Variants in TLN2 observed in about 807,000 individuals in gnomAD.
TLN2 encodes talin 2.
In TLN2, 118 loss-of-function variants were observed where a neutral mutation model predicts 294.7. The ratio of observed to expected loss-of-function variants is 0.40; its 90% CI spans 0.34 to 0.47. TLN2 has a LOEUF of 0.47. Ranked by LOEUF, TLN2 falls within the 20% of genes least tolerant of loss-of-function variation. The pLI is 0.84. For synonymous variants in TLN2, 1,431 were observed against 1,304.5 expected, an observed-to-expected ratio of 1.10 and a Z score of -2.09; for missense variants, 3,083 against 3,282.2, an observed-to-expected ratio of 0.94 and a Z score of 1.48.
intron 1 of TLN2, among the ~76,000 whole-genome samples, chr15:62,432,824 T>G (rs570147194): frequency 5.9e-5 from 9 of 152,232 alleles, no homozygotes; most frequent in African/African-American, 2.2e-4. Flanking sequence ...ATAGAGTTTC[T>G]ACGCCTCTTG....
chr15:62,577,249 G>A (rs1272500921), intron 1 of TLN2, among the ~76,000 whole-genome samples: 1 of 152,078 alleles, frequency 6.6e-6, no homozygotes, highest in East Asian at 1.9e-4. Flanking sequence ...TTCGAGACCA[G>A]CCTGACCAAC....
chr15:62,451,282 G>A (rs1480509737), intron 1 of TLN2, among the ~76,000 whole-genome samples: 1 of 152,200 alleles, frequency 6.6e-6, no homozygotes, highest in African/African-American at 2.4e-5. Context: ...GGCGTGGTGT[G>A]AGGGGCTAGT....
At chr15:62,692,695 A>G in intron 12 of TLN2, 145 bp from the exon 13 acceptor site, 1 of 629,418 alleles carries the variant, frequency 1.6e-6, no homozygotes, top group Non-Finnish European at 2.8e-6. Flanking sequence ...ATTGTTGAAT[A>G]AATTTTAGGA....
intron 23 of TLN2, among the ~76,000 whole-genome samples, chr15:62,716,879 T>C (rs2059809733): frequency 6.6e-6 from 1 of 152,178 alleles, no homozygotes; most frequent in African/African-American, 2.4e-5. Flanking sequence ...AATATATTTG[T>C]TATTTTTTGA....
chr15:62,837,064 G>A (rs7163611), intron 57 of TLN2, among the ~76,000 whole-genome samples: 68 of 152,246 alleles, frequency 4.5e-4, no homozygotes, highest in African/African-American at 1.6e-3. Flanking sequence ...TTTATTGTAA[G>A]TGTTAAAATG....
chr15:62,737,799 A>G (rs2061108319), intron 29 of TLN2, among the ~76,000 whole-genome samples: 1 of 152,318 alleles, frequency 6.6e-6, no homozygotes, highest in Non-Finnish European at 1.5e-5. Flanking sequence ...TGTGATCCAA[A>G]AAACTCAAGG....
At chr15:62,756,930 C>T (rs2062301015) in intron 37 of TLN2, among the ~76,000 whole-genome samples, 1 of 152,058 alleles carries the variant, frequency 6.6e-6, no homozygotes, top group African/African-American at 2.4e-5. Context: ...AAAACCCCTC[C>T]CTATTTGAAG....
intron 55 of TLN2, chr15:62,834,268 T>C (rs999279544): frequency 6.6e-6 from 1 of 152,238 alleles, no homozygotes; most frequent in African/African-American, 2.4e-5. Flanking sequence ...TCCATATGTC[T>C]TGTTATTTAC....
chr15:62,762,054 G>A (rs562079933), intron 38 of TLN2, among the ~76,000 whole-genome samples: 30 of 152,150 alleles, frequency 2.0e-4, no homozygotes, highest in Admixed American at 7.2e-4. Context: ...CGATTCTTGG[G>A]ATGTGTCACA....
At chr15:62,773,298 A>G (rs1260954635) in intron 42 of TLN2, among the ~76,000 whole-genome samples, 1 of 147,184 alleles carries the variant, frequency 6.8e-6, no homozygotes, top group Non-Finnish European at 1.5e-5. Context: ...CACAGTCAGC[A>G]CTGTAAGCTT....
Position 62,499,187 on chromosome 15 carries a change from G to A in TLN2, c.-237-90500G>A, listed in dbSNP as rs376468472. On this transcript the variant is annotated intron_variant, in intron 1 of 58. Coordinates refer to ENST00000636159, the MANE Select transcript of TLN2 (RefSeq NM_015059.3). ...CAAAACATTGACTAGAGGGGCTCACGCCTATAATCCCAGCACTTTGGGAGG... is the reference window on the plus strand; with the variant it reads ...CAAAACATTGACTAGAGGGGCTCACACCTATAATCCCAGCACTTTGGGAGG... Among the ~76,000 whole-genome samples, 3 of 152,026 alleles carry A rather than the reference G, an allele frequency of 2.0e-5. 1 individual carries two copies. The highest frequency in any genetic ancestry group is 1.3e-4 in the Admixed American group (2 of 15,268).
intron 9 of TLN2, among the ~76,000 whole-genome samples, chr15:62,661,349 C>G (rs1407430118): frequency 2.0e-5 from 3 of 151,880 alleles, no homozygotes; most frequent in African/African-American, 7.3e-5. Context: ...TTGAACATAG[C>G]CTAAGAGAAT....
At chr15:62,406,845 A>T (rs1442620677) in intron 1 of TLN2, among the ~76,000 whole-genome samples, 2 of 152,144 alleles carry the variant, frequency 1.3e-5, no homozygotes, top group Non-Finnish European at 2.9e-5. Context: ...GACAACAATC[A>T]TATTGAATTA....
chr15:62,724,871 G>C (rs1374446706), intron 26 of TLN2, 105 bp from the exon 27 acceptor site: 6 of 1,371,348 alleles, frequency 4.4e-6, no homozygotes, highest in Non-Finnish European at 5.8e-6. Flanking sequence ...GCTGGATTTG[G>C]AGAATCACTG....
At chr15:62,538,167 G>A (rs2041469769) in intron 1 of TLN2, among the ~76,000 whole-genome samples, 1 of 152,128 alleles carries the variant, frequency 6.6e-6, no homozygotes, top group Admixed American at 6.5e-5. Context: ...GTTGCAGTGA[G>A]CTGAGATTGC....
intron 1 of TLN2, among the ~76,000 whole-genome samples, chr15:62,573,366 C>A (rs2044083287): frequency 6.6e-6 from 1 of 152,086 alleles, no homozygotes; most frequent in Non-Finnish European, 1.5e-5. Flanking sequence ...TGGCCCAGCC[C>A]TTGGATGCAT....
intron 1 of TLN2, among the ~76,000 whole-genome samples, chr15:62,394,104 T>C (rs1443143499): frequency 3.9e-5 from 6 of 152,212 alleles, no homozygotes; most frequent in African/African-American, 1.4e-4. Flanking sequence ...CATAACTTCA[T>C]GGCTTGACCA....
intron 34 of TLN2, among the ~76,000 whole-genome samples, chr15:62,751,793 A>C (rs567733094): frequency 6.6e-6 from 1 of 152,364 alleles, no homozygotes; most frequent in African/African-American, 2.4e-5. Flanking sequence ...GATTGTAAAG[A>C]TCTCTGAAGA....
intron 1 of TLN2, among the ~76,000 whole-genome samples, chr15:62,566,725 G>A (rs1041125095): frequency 2.0e-5 from 3 of 150,492 alleles, no homozygotes; most frequent in Non-Finnish European, 4.4e-5. Flanking sequence ...CTGGACTCAA[G>A]AGATGCTCTC....
Sources: gnomAD v4.1 joint callset for allele counts (sites outside exome capture counted in the v4.1 genomes callset) on GRCh38, gnomAD v4.1.1 for gene constraint, MANE v1.5 for transcripts, NCBI Gene and HGNC (gene_info 2026-07-23, HGNC 2026-07-21) for gene names.